Variants in STK24 observed in about 807,000 individuals in gnomAD.
The protein encoded by STK24 is serine/threonine kinase 24.
Under a neutral mutation model 55.6 loss-of-function variants are expected in STK24, and 21 were observed. The ratio of observed to expected loss-of-function variants is 0.38; its 90% CI spans 0.27 to 0.54. The LOEUF is 0.54. Among genes scored for constraint, STK24 ranks in the 20% least tolerant of loss-of-function variants. STK24 has a pLI of 0.79. For synonymous variants in STK24, 200 were observed against 215.2 expected (o/e 0.93, Z 0.62); for missense variants, 383 against 538.4 (o/e 0.71, Z 2.86).
At chr13:98,461,931 C>T in intron 7 of STK24, 34 bp from the exon 8 acceptor site, 2 of 1,609,616 alleles carry the variant, frequency 1.2e-6, no homozygotes, top group Non-Finnish European at 1.7e-6. Context: ...CCCATCAGTG[C>T]TCGCACACCT....
At chr13:98,453,398 TACACAAAA>T in intron 10 of STK24, 189 bp from the exon 11 acceptor site, 1 of 611,522 alleles carries the variant, frequency 1.6e-6, no homozygotes, top group Non-Finnish European at 2.7e-6. Flanking sequence ...TCATGATTCT[TACACAAAA>T]ACTCCAGAGC....
chr13:98,548,454 AATC>A (rs1295161713), intron 1 of STK24, among the ~76,000 whole-genome samples: 3 of 152,176 alleles, frequency 2.0e-5, no homozygotes, highest in Non-Finnish European at 2.9e-5. Context: ...TAGGAAAATA[AATC>A]ATCAAGTGAC....
chr13:98,509,289 T>C (rs1895796423), intron 2 of STK24, among the ~76,000 whole-genome samples: 1 of 152,202 alleles, frequency 6.6e-6, no homozygotes, highest in Non-Finnish European at 1.5e-5. Flanking sequence ...GAAAGTTTTA[T>C]AGTATCAATG....
chr13:98,547,669 G>A (rs900621505), intron 1 of STK24, among the ~76,000 whole-genome samples: 4 of 152,192 alleles, frequency 2.6e-5, no homozygotes, highest in African/African-American at 9.7e-5. Context: ...ACACGCCATG[G>A]GCTGGGGAGG....
At position 98,503,024 on chromosome 13, in the gene STK24, G is replaced by GTGTTTTTTTTTTT. The variant is rs1555306356; in HGVS notation, c.273+16218_273+16219insAAAAAAAAAAACA. Reference sequence around the variant, plus strand: ...AATATATTAGAAATACTTTCCATGTGTTTTTTTTTTTTTTTTTCAGTATGG... The same window carrying GTGTTTTTTTTTTT: ...AATATATTAGAAATACTTTCCATGTGTGTTTTTTTTTTTTTTTTTTTTTTTTTTTTCAGTATGG... On this transcript the variant is annotated intron_variant, in intron 2 of 10. Transcript: ENST00000539966. Among the ~76,000 whole-genome samples, 17 of 107,054 alleles carry GTGTTTTTTTTTTT rather than the reference G, an allele frequency of 1.6e-4. 1 individual carries two copies. Among genetic ancestry groups the GTGTTTTTTTTTTT allele is most frequent in the South Asian group, 5.9e-4 (2 of 3,372 alleles). The allele number at this position is 107,054 out of a possible 152,430, so 70.2% of individuals were successfully genotyped here.
At chr13:98,574,022 T>TA (rs36029444) in intron 1 of STK24, among the ~76,000 whole-genome samples, 26,726 of 152,080 alleles carry the variant, frequency 0.18, 2,407 homozygotes, top group Non-Finnish European at 0.19. Flanking sequence ...TATTTTATTT[T>TA]TTTTTTTGAG....
At chr13:98,540,558 C>T (rs1487740559) in intron 1 of STK24, among the ~76,000 whole-genome samples, 1 of 151,920 alleles carries the variant, frequency 6.6e-6, no homozygotes, top group Non-Finnish European at 1.5e-5. Context: ...CCAAAAAAAG[C>T]TAAGTATTGT....
At position 98,482,330 on chromosome 13, in the gene STK24, CAAAA is replaced by C. The variant is rs763155039; in HGVS notation, c.274-13_274-10del. 196 of 1,484,960 alleles carry C rather than the reference CAAAA, an allele frequency of 1.3e-4. No homozygotes were observed. The highest frequency in any genetic ancestry group is 1.8e-4 in the Middle Eastern group (1 of 5,550). 92.0% of individuals were successfully genotyped at this position (1,484,960 alleles called of 1,614,324 possible). Reference sequence around the variant, plus strand: ...ATCCATAATTTTGTATCCTATAAAACAAAAAAAAGAAGAGAATCATTTTCAAAAT... The same window carrying C: ...ATCCATAATTTTGTATCCTATAAAACAAAAGAAGAGAATCATTTTCAAAAT... On this transcript the variant is annotated splice_polypyrimidine_tract_variant and intron_variant, in intron 2 of 10. Transcript: ENST00000539966.
chr13:98,476,240 G>GCCCCCCCCCCCCCC (rs138129188), intron 3 of STK24, among the ~76,000 whole-genome samples: 2 of 141,596 alleles, frequency 1.4e-5, no homozygotes, highest in Non-Finnish European at 1.5e-5. Context: ...CAGACGGGAA[G>GCCCCCCCCCCCCCC]CCCCCCCCCG....
At chr13:98,496,777 G>A (rs1319539429) in intron 2 of STK24, among the ~76,000 whole-genome samples, 1 of 152,218 alleles carries the variant, frequency 6.6e-6, no homozygotes. Flanking sequence ...AGAGGGCAGA[G>A]TTGATTAATC....
chr13:98,482,370 A>C lies in STK24; in HGVS notation c.274-49T>G, dbSNP rs762129212. The C allele has an allele frequency of 6.6e-6, 8 of 1,220,192 alleles. No homozygotes were observed. The South Asian group carries it at 9.3e-5, about 14-fold the overall frequency. The allele number at this position is 1,220,192 out of a possible 1,614,324, so 75.6% of individuals were successfully genotyped here. On this transcript the variant is annotated intron_variant, in intron 2 of 10. Transcript: ENST00000539966. ...AATCATTTTCAAAATGAATCCAGGA[A>C]AATTTTTTTTAATAATCAAAGGGTA...
intron 1 of STK24, among the ~76,000 whole-genome samples, chr13:98,532,484 C>A (rs879376149): frequency 2.0e-5 from 3 of 151,524 alleles, no homozygotes; most frequent in Non-Finnish European, 4.4e-5. Context: ...ATCCCACACA[C>A]ACACATCCCA....
intron 8 of STK24, among the ~76,000 whole-genome samples, chr13:98,461,154 G>A (rs1357326222): frequency 2.6e-5 from 4 of 152,134 alleles, no homozygotes; most frequent in Admixed American, 6.5e-5. Flanking sequence ...CTAGGACAGA[G>A]ACCGAGTTTC....
At chr13:98,545,510 T>G (rs1897006928) in intron 1 of STK24, among the ~76,000 whole-genome samples, 1 of 151,980 alleles carries the variant, frequency 6.6e-6, no homozygotes, top group African/African-American at 2.4e-5. Flanking sequence ...GGCGGGCGCC[T>G]GTAGTTCCAG....
chr13:98,486,867 C>T (rs530936451), intron 2 of STK24, among the ~76,000 whole-genome samples: 3 of 152,098 alleles, frequency 2.0e-5, no homozygotes, highest in Admixed American at 2.0e-4. Context: ...TCATTTAAAC[C>T]CTCTAAATTC....
At chr13:98,487,995 A>G (rs1205856573) in intron 2 of STK24, among the ~76,000 whole-genome samples, 1 of 151,872 alleles carries the variant, frequency 6.6e-6, no homozygotes, top group Non-Finnish European at 1.5e-5. Context: ...GGTCATTTTT[A>G]TGGACTGAAT....
intron 2 of STK24, among the ~76,000 whole-genome samples, chr13:98,483,982 G>A (rs1331678460): frequency 1.3e-5 from 2 of 152,202 alleles, no homozygotes; most frequent in Non-Finnish European, 2.9e-5. Context: ...AGATAATAAA[G>A]ACAACTTCAG....
intron 1 of STK24, among the ~76,000 whole-genome samples, chr13:98,524,888 G>T (rs1896378992): frequency 6.6e-6 from 1 of 152,240 alleles, no homozygotes; most frequent in African/African-American, 2.4e-5. Context: ...GTACAATAAA[G>T]GGTCACTGCA....
rs1222640571 is a variant in STK24, at chr13:98,463,690, C to A, written c.929+1G>T. 1 of 1,613,116 alleles carries A rather than the reference C, an allele frequency of 6.2e-7. No individual in the cohort carries two copies. The highest frequency in any genetic ancestry group is 8.5e-7 in the Non-Finnish European group (1 of 1,179,294). ...CTTGGGTCACTCAGGGGCCGACTTA[C>A]GCGTCGGAATCCTCGGAGCTCGAGT... On this transcript the variant is annotated splice_donor_variant, in intron 7 of 10. Transcript: ENST00000539966. LOFTEE classifies it high-confidence loss of function.
Sources: allele counts gnomAD v4.1 joint callset (sites outside exome capture counted in the v4.1 genomes callset), GRCh38; gene constraint gnomAD v4.1.1; transcripts MANE v1.5; gene names NCBI Gene and HGNC (gene_info 2026-07-23, HGNC 2026-07-21).